Variants in PCDHA11 observed in about 807,000 individuals in gnomAD.
PCDHA11 encodes the protein protocadherin alpha 11.
In PCDHA11, 61 loss-of-function variants were observed where a neutral mutation model predicts 70.3. The observed-to-expected ratio is 0.87, with a 90% CI of 0.71 to 1.07. PCDHA11 has a LOEUF of 1.07. Among genes scored for constraint, PCDHA11 ranks in the 50% least tolerant of loss-of-function variants. The pLI, the probability that PCDHA11 is intolerant of heterozygous loss-of-function variation, is 0.00. For synonymous variants in PCDHA11, 633 were observed against 555.1 expected (o/e 1.14, Z -1.97); for missense variants, 1,324 against 1,237.5 (o/e 1.07, Z -1.05).
chr5:140,972,316 GT>G (rs112435719), intron 1 of PCDHA11, among the ~76,000 whole-genome samples: 1,932 of 139,568 alleles, frequency 0.014, 18 homozygotes, highest in African/African-American at 0.036. Context: ...GTTTTTAGGT[GT>G]TTTTTTTTTT....
At chr5:140,888,018 T>A (rs557919672) in intron 1 of PCDHA11, among the ~76,000 whole-genome samples, 1 of 152,360 alleles carries the variant, frequency 6.6e-6, no homozygotes, top group South Asian at 2.1e-4. Context: ...TTTATCTATA[T>A]GTTTGAGCAT....
In PCDHA11 at chr5:141,009,987, A is replaced by C. The variant is rs2154001821; in HGVS notation, c.*50A>C. The C allele has an allele frequency of 6.3e-7, 1 of 1,580,396 alleles. No individual in the cohort carries two copies. Among genetic ancestry groups the C allele is most frequent in the East Asian group, 2.2e-5 (1 of 44,670 alleles). On this transcript the variant is annotated 3_prime_UTR_variant, in exon 4 of 4. Coordinates refer to ENST00000398640, the MANE Select transcript of PCDHA11 (RefSeq NM_018902.5). The stretch of plus-strand genomic sequence containing the variant: ...TTAGCCAGTTTTTGTAATAATGGCA[A>C]ATCTCTCCCATGTAGCAATTCCCTG...
chr5:140,916,202 C>A lies in PCDHA11; in HGVS notation c.2391+44708C>A, dbSNP rs185433174. 8.0e-3 allele frequency among the ~76,000 whole-genome samples: 1,218 copies of A among 152,262 alleles called. 6 individuals carry two copies. Among genetic ancestry groups the A allele is most frequent in the African/African-American group, 0.019 (787 of 41,550 alleles). The stretch of plus-strand genomic sequence containing the variant: ...TTCAAGGAAGTGGGCACCCCTCTGC[C>A]CTGGGGAAGATCCAAATATGCTTTC... On this transcript the variant is annotated intron_variant, in intron 1 of 3. Coordinates refer to ENST00000398640, the MANE Select transcript of PCDHA11 (RefSeq NM_018902.5).
At chr5:140,927,301 C>A in intron 1 of PCDHA11, 3 of 1,614,204 alleles carry the variant, frequency 1.9e-6, no homozygotes, top group Non-Finnish European at 2.5e-6. Context: ...CCCCGAGTTC[C>A]TGACGCCCGG....
chr5:140,912,222 C>G (rs782160814), intron 1 of PCDHA11, among the ~76,000 whole-genome samples: 2 of 151,926 alleles, frequency 1.3e-5, no homozygotes, highest in Non-Finnish European at 2.9e-5. Flanking sequence ...CTGCCTTTCC[C>G]AGTCCACTGA....
chr5:140,933,772 C>T, intron 1 of PCDHA11, among the ~76,000 whole-genome samples: 1 of 152,176 alleles, frequency 6.6e-6, no homozygotes, highest in African/African-American at 2.4e-5. Flanking sequence ...TCTGTACCTA[C>T]AGTTTTCTTT....
intron 1 of PCDHA11, among the ~76,000 whole-genome samples, chr5:140,956,166 C>T (rs180917985): frequency 7.2e-5 from 11 of 152,232 alleles, no homozygotes; most frequent in Non-Finnish European, 1.5e-4. Flanking sequence ...TTGCCATAGC[C>T]AGAACTTCCA....
intron 1 of PCDHA11, among the ~76,000 whole-genome samples, chr5:140,959,554 A>G (rs1375729843): frequency 6.6e-6 from 1 of 152,210 alleles, no homozygotes; most frequent in Non-Finnish European, 1.5e-5. Context: ...TATAAATAGA[A>G]TCAGTACTAG....
At chr5:140,952,797 C>T (rs782258698) in intron 1 of PCDHA11, among the ~76,000 whole-genome samples, 1 of 152,142 alleles carries the variant, frequency 6.6e-6, no homozygotes. Flanking sequence ...TTAACTGGCT[C>T]GCAGTTCTGC....
chr5:140,959,538 A>G (rs1310965047), intron 1 of PCDHA11, among the ~76,000 whole-genome samples: 1 of 152,204 alleles, frequency 6.6e-6, no homozygotes, highest in Non-Finnish European at 1.5e-5. Flanking sequence ...TAATTCAGAG[A>G]TGCTGTATAA....
At chr5:140,884,330 G>T in intron 1 of PCDHA11, 2 of 1,613,876 alleles carry the variant, frequency 1.2e-6, no homozygotes, top group Non-Finnish European at 1.7e-6. Context: ...AGGCGCTGTG[G>T]GTCCAGAAGC....
Position 140,871,014 on chromosome 5 carries a change from C to G in PCDHA11, c.1911C>G (p.Asp637Glu), listed in dbSNP as rs1554164974. The change falls in exon 1 of 4, where the codon GAC becomes GAG. Residue 637 changes from aspartate (D) to glutamate (E), a missense_variant. Physicochemically the swap from Asp to Glu is conservative, Grantham distance 45. Transcript: ENST00000398640. ...AGATAAGCACAACGCGTGCCCTGGA[C>G]GAGGCAGACTCGCCGCGCCACCGAC... is the stretch of plus-strand genomic sequence containing the variant. ...TGEISTTRAL[D>E]EADSPRHRLL... 1 of 1,613,178 alleles carries G rather than the reference C, an allele frequency of 6.2e-7. No individual in the cohort carries two copies. Among genetic ancestry groups the G allele is most frequent in the East Asian group, 2.2e-5 (1 of 44,880 alleles).
At chr5:140,941,194 TCTTTCTTCCTTTCTTTCTTCC>T (rs1563183817) in intron 1 of PCDHA11, among the ~76,000 whole-genome samples, 5 of 112,350 alleles carry the variant, frequency 4.5e-5, no homozygotes, top group Admixed American at 9.1e-5. Flanking sequence ...TCTTTTTTTT[TCTTTCTTCCTTTCTTTCTTCC>T]TTTCTTTCTT....
rs781866730 is a variant in PCDHA11 at position 141,009,887 on chromosome 5, CAG to C, written c.2801_2802del (p.Gln934ArgfsTer11). ...GAAAAAGAAGAAGGGTAACAAGACCCAGGAGAAAAAAGAGAAAGGGAACAGCA... is the reference window on the plus strand; with the variant it reads ...GAAAAAGAAGAAGGGTAACAAGACCCGAGAAAAAAGAGAAAGGGAACAGCA... ...KKKKKKGNKTQEKKEKGNSTT... is the reference protein window; with the variant it reads ...KKKKKKGNKTXEKKEKGNSTT... On this transcript the variant is annotated frameshift_variant, in exon 4 of 4. Transcript: ENST00000398640. LOFTEE classifies it high-confidence loss of function. 1.9e-6 allele frequency: 3 copies of C among 1,612,850 alleles called. No homozygotes were observed. In the South Asian group the frequency reaches 3.3e-5, roughly 18 times the overall value.
intron 1 of PCDHA11, chr5:140,884,562 A>C (rs782650365): frequency 6.2e-7 from 1 of 1,614,166 alleles, no homozygotes; most frequent in Non-Finnish European, 8.5e-7. Flanking sequence ...GAGGGCCCGC[A>C]TAAGACGGAC....
chr5:140,875,567 A>G (rs1389005721), intron 1 of PCDHA11: 14 of 1,613,986 alleles, frequency 8.7e-6, no homozygotes, highest in African/African-American at 2.7e-5. Context: ...GGCCAGCTCC[A>G]CTACTCCGTC....
chr5:140,986,011 T>A (rs1172713730), intron 3 of PCDHA11, among the ~76,000 whole-genome samples: 1 of 152,184 alleles, frequency 6.6e-6, no homozygotes, highest in Non-Finnish European at 1.5e-5. Flanking sequence ...AGTGCTGGGA[T>A]TACAGGCGTG....
intron 1 of PCDHA11, 34 bp from the exon 2 acceptor site, chr5:140,978,915 A>G: frequency 6.2e-7 from 1 of 1,613,970 alleles, no homozygotes; most frequent in Non-Finnish European, 8.5e-7. Context: ...TTGTCTTGTC[A>G]TTTTAACAGA....
intron 3 of PCDHA11, among the ~76,000 whole-genome samples, chr5:140,985,608 G>T (rs76669319): frequency 6.6e-6 from 1 of 152,052 alleles, no homozygotes; most frequent in Non-Finnish European, 1.5e-5. Context: ...AGCCCTTTCC[G>T]TGAACCAGCT....
Sources: gnomAD v4.1 joint callset for allele counts (sites outside exome capture counted in the v4.1 genomes callset) on GRCh38, gnomAD v4.1.1 for gene constraint, MANE v1.5 for transcripts, NCBI Gene and HGNC (gene_info 2026-07-23, HGNC 2026-07-21) for gene names.